The following HDAC9 variants were observed in gnomAD, a reference collection of about 807,000 sequenced individuals.
HDAC9 encodes the protein MEF-2 interacting transcription repressor (MITR) protein.
In HDAC9, 41 loss-of-function variants were observed where a neutral mutation model predicts 139.4. The ratio of observed to expected loss-of-function variants is 0.29; its 90% confidence interval spans 0.23 to 0.38. The LOEUF (loss-of-function observed/expected upper bound fraction) is 0.38, where lower values mean the gene tolerates loss of function less well. Ranked by LOEUF, HDAC9 falls within the 10% of genes least tolerant of loss-of-function variation. HDAC9 has a pLI of 1.00. For synonymous variants in HDAC9, 517 were observed against 476.2 expected (o/e 1.09, Z -1.12); for missense variants, 1,147 against 1,297.0 (o/e 0.88, Z 1.78).
chr7:18,745,026 G>T (rs913618687), intron 13 of HDAC9, among the ~76,000 whole-genome samples: 19 of 152,134 alleles, frequency 1.2e-4, no homozygotes, highest in African/African-American at 3.6e-4. Context: ...TAATCTATTG[G>T]CTTATGTTAT....
intron 22 of HDAC9, among the ~76,000 whole-genome samples, chr7:18,932,312 A>T: frequency 6.6e-6 from 1 of 152,182 alleles, no homozygotes; most frequent in East Asian, 1.9e-4. Context: ...GTCGGATGCC[A>T]TGATAATTTT....
At chr7:18,265,517 T>TA (rs1236779470) in intron 2 of HDAC9, among the ~76,000 whole-genome samples, 9 of 152,148 alleles carry the variant, frequency 5.9e-5, no homozygotes, top group Non-Finnish European at 1.0e-4. Flanking sequence ...TCTATGCACA[T>TA]TTCTTAAGTC....
At chr7:18,917,799 C>T (rs1011234929) in intron 22 of HDAC9, among the ~76,000 whole-genome samples, 2 of 151,820 alleles carry the variant, frequency 1.3e-5, no homozygotes, top group African/African-American at 2.4e-5. Context: ...CACTGATGAC[C>T]GTGAGAGAGA....
rs1200254760 is a variant in HDAC9, at chr7:18,495,937, C to A, written c.-128C>A. On this transcript the variant is annotated 5_prime_UTR_variant, in exon 1 of 26. Transcript: ENST00000686413. ...AAAGAAATAACCCCGAAGCACGTTC[C>A]TATTTCCCACCTGCTTGTAGTTTCC... is the stretch of plus-strand genomic sequence containing the variant. 1.2e-5 allele frequency: 15 copies of A among 1,240,716 alleles called. No individual in the cohort carries two copies. The highest frequency in any genetic ancestry group is 1.5e-5 in the African/African-American group (1 of 64,838). The allele number at this position is 1,240,716 out of a possible 1,614,324, so 76.9% of individuals were successfully genotyped here.
intron 21 of HDAC9, among the ~76,000 whole-genome samples, chr7:18,854,470 G>T (rs1216362326): frequency 1.3e-5 from 2 of 152,122 alleles, no homozygotes; most frequent in African/African-American, 2.4e-5. Flanking sequence ...AATCAATACA[G>T]AGTCTGTCGG....
chr7:18,938,019 C>T (rs1382393778), intron 23 of HDAC9, among the ~76,000 whole-genome samples: 1 of 152,112 alleles, frequency 6.6e-6, no homozygotes, highest in East Asian at 1.9e-4. Context: ...CTTAATTTAT[C>T]TGTGTTTACT....
chr7:18,484,079 G>T (rs1795786992), intron 1 of HDAC9, among the ~76,000 whole-genome samples: 2 of 151,366 alleles, frequency 1.3e-5, no homozygotes, highest in Non-Finnish European at 2.9e-5. Context: ...GGGCATGGTG[G>T]CCACTGTAAG....
At chr7:18,586,746 A>G (rs774890565) in intron 3 of HDAC9, among the ~76,000 whole-genome samples, 1 of 152,144 alleles carries the variant, frequency 6.6e-6, no homozygotes, top group Non-Finnish European at 1.5e-5. Flanking sequence ...GAACTTTCCA[A>G]AAAGAACTCT....
intron 24 of HDAC9, among the ~76,000 whole-genome samples, chr7:18,965,753 G>A (rs1452892521): frequency 1.3e-5 from 2 of 152,148 alleles, no homozygotes; most frequent in African/African-American, 4.8e-5. Context: ...TACTGCTCCT[G>A]GGGGACAATA....
chr7:18,964,362 A>G (rs554101005), intron 24 of HDAC9, among the ~76,000 whole-genome samples: 1 of 151,740 alleles, frequency 6.6e-6, no homozygotes, highest in East Asian at 1.9e-4. Flanking sequence ...TTAAGATCAG[A>G]TTTTTTTTTA....
chr7:18,897,655 G>A (rs189096535), intron 22 of HDAC9, among the ~76,000 whole-genome samples: 66 of 151,682 alleles, frequency 4.4e-4, no homozygotes, highest in African/African-American at 1.5e-3. Context: ...GTGAATAATG[G>A]GCTATAATTC....
intron 1 of HDAC9, among the ~76,000 whole-genome samples, chr7:18,352,938 A>G (rs1782964505): frequency 6.6e-6 from 1 of 152,136 alleles, no homozygotes; most frequent in Admixed American, 6.6e-5. Context: ...GGCCAGCAAA[A>G]TATCTTCCAG....
intron 5 of HDAC9, among the ~76,000 whole-genome samples, chr7:18,593,448 C>A (rs1255418972): frequency 6.6e-6 from 1 of 152,080 alleles, no homozygotes; most frequent in Non-Finnish European, 1.5e-5. Context: ...ACAATCCTGT[C>A]TTTTCAGTAA....
At chr7:18,509,262 G>A (rs1800709619) in intron 2 of HDAC9, 2 of 985,308 alleles carry the variant, frequency 2.0e-6, no homozygotes, top group African/African-American at 1.7e-5. Flanking sequence ...GTGTTCTGGA[G>A]CTATTTTAAT....
intron 2 of HDAC9, among the ~76,000 whole-genome samples, chr7:18,531,014 C>T (rs1389573192): frequency 6.6e-6 from 1 of 151,938 alleles, no homozygotes; most frequent in East Asian, 1.9e-4. Context: ...TACTCGTATG[C>T]TTCTAGTGCA....
At chr7:18,525,206 A>C (rs1806427140) in intron 2 of HDAC9, among the ~76,000 whole-genome samples, 1 of 152,114 alleles carries the variant, frequency 6.6e-6, no homozygotes, top group Admixed American at 6.6e-5. Context: ...TTTTGGAGCA[A>C]ATGTGTTGAC....
At position 18,579,409 on chromosome 7, in the gene HDAC9, G is replaced by T. The variant is rs75366880; in HGVS notation, c.23-5872G>T. ...TTAAATACATATTTGGTTGAATATTGTTAAAGCAGAAAACAGTACAGAAGG... is the reference window on the plus strand; with the variant it reads ...TTAAATACATATTTGGTTGAATATTTTTAAAGCAGAAAACAGTACAGAAGG... On this transcript the variant is annotated intron_variant, in intron 2 of 25. Coordinates refer to ENST00000686413, the MANE Select transcript of HDAC9 (RefSeq NM_178425.4). 4.5e-3 allele frequency among the ~76,000 whole-genome samples: 678 copies of T among 152,290 alleles called. 7 individuals are homozygous for T. Among genetic ancestry groups the T allele is most frequent in the African/African-American group, 0.016 (655 of 41,540 alleles).
At chr7:18,568,769 C>T (rs1264413390) in intron 2 of HDAC9, among the ~76,000 whole-genome samples, 1 of 152,036 alleles carries the variant, frequency 6.6e-6, no homozygotes. Context: ...AAAATTGGGC[C>T]GGGCGCAGTG....
At chr7:18,291,064 G>A (rs1259406495) in intron 1 of HDAC9, among the ~76,000 whole-genome samples, 1 of 152,138 alleles carries the variant, frequency 6.6e-6, no homozygotes, top group African/African-American at 2.4e-5. Flanking sequence ...CCCAGGTTGT[G>A]TAATCCACAC....
Sources: allele counts gnomAD v4.1 joint callset (sites outside exome capture counted in the v4.1 genomes callset), GRCh38; gene constraint gnomAD v4.1.1; transcripts MANE v1.5; gene names NCBI Gene and HGNC (gene_info 2026-07-23, HGNC 2026-07-21).